Variants in BHLHE41 observed in about 807,000 individuals in gnomAD.
BHLHE41 encodes class E basic helix-loop-helix protein 41.
BHLHE41 carries 14 observed loss-of-function variants against 24.0 expected under a neutral mutation model. The ratio of observed to expected loss-of-function variants is 0.58; its 90% CI spans 0.39 to 0.91. The LOEUF is 0.91. Among genes scored for constraint, BHLHE41 ranks in the 40% least tolerant of loss-of-function variants. BHLHE41 has a pLI of 0.00. For missense variants in BHLHE41, 674 were observed against 655.4 expected (o/e 1.03, Z -0.31); for synonymous variants, 394 against 315.5 (o/e 1.25, Z -2.64).
At position 26,122,456 on chromosome 12, in the gene BHLHE41, G is replaced by C; in HGVS notation, c.1059C>G (p.Phe353Leu). Residue 353 changes from phenylalanine (F) to leucine (L), a missense_variant, in exon 5 of 5, where the codon TTC (phenylalanine) becomes TTG (leucine). By Grantham distance (22) the Phe-to-Leu change is conservative. Coordinates refer to ENST00000242728, the MANE Select transcript of BHLHE41 (RefSeq NM_030762.3). ...AGGCGGCAGCTGCAGAAGGCGAGAG[G>C]AAGCAGAAGGGCAGGCAGAAGGGGG... ...AAAPFCLPFC[F>L]LSPSAAAAYV... The C allele has an allele frequency of 7.4e-7, 1 of 1,357,232 alleles. No homozygotes were observed. Among genetic ancestry groups the C allele is most frequent in the Non-Finnish European group, 9.6e-7 (1 of 1,045,098 alleles). The allele number at this position is 1,357,232 out of a possible 1,614,324, so 84.1% of individuals were successfully genotyped here.
Position 26,122,382 on chromosome 12 carries a change from G to C in BHLHE41, c.1133C>G (p.Pro378Arg), listed in dbSNP as rs1243702473. Reference sequence around the variant, plus strand: ...CGGGAACGGGGCGGCAGCCGCCGCCGGGTACAGATACTTCTCCAGGCCGCT... The same window carrying C: ...CGGGAACGGGGCGGCAGCCGCCGCCCGGTACAGATACTTCTCCAGGCCGCT... ...DKSGLEKYLY[P>R]AAAAAPFPLL... is the part of the protein sequence containing the mutation. The change falls in exon 5 of 5, where the codon CCG becomes CGG. Residue 378 changes from proline (P) to arginine (R), a missense_variant. Physicochemically the swap from Pro to Arg is moderately radical, Grantham distance 103 (BLOSUM62 -2). Coordinates refer to ENST00000242728, the MANE Select transcript of BHLHE41 (RefSeq NM_030762.3). The C allele has an allele frequency of 8.2e-7, 1 of 1,212,252 alleles. No homozygotes were observed. 75.1% of individuals were successfully genotyped at this position (1,212,252 alleles called of 1,614,324 possible). A position where few individuals can be genotyped will look rare whatever the true frequency, so the allele number is the denominator to read the frequency against.
intron 1 of BHLHE41, 55 bp downstream of exon 1, chr12:26,124,663 G>GA (rs1427128560): frequency 9.9e-6 from 16 of 1,612,994 alleles, no homozygotes; most frequent in East Asian, 2.2e-5. Context: ...TTCTGGAGAA[G>GA]AAAAAAATCA....
At position 26,122,387 on chromosome 12, in the gene BHLHE41, C is replaced by A; in HGVS notation, c.1128G>T (p.Leu376=). The change falls in exon 5 of 5, where the codon CTG becomes CTT. Residue 376 remains leucine (L), a synonymous_variant. Transcript: ENST00000242728. Reference sequence around the variant, plus strand: ...ACGGGGCGGCAGCCGCCGCCGGGTACAGATACTTCTCCAGGCCGCTCTTGT... The same window carrying A: ...ACGGGGCGGCAGCCGCCGCCGGGTAAAGATACTTCTCCAGGCCGCTCTTGT... ...FLDKSGLEKY[L]YPAAAAAPFP... 8.0e-7 allele frequency: 1 copy of A among 1,247,842 alleles called. No homozygotes were observed. The highest frequency in any genetic ancestry group is 1.0e-6 in the Non-Finnish European group (1 of 989,450). 77.3% of individuals were successfully genotyped at this position (1,247,842 alleles called of 1,614,324 possible).
chr12:26,124,750 C>G lies in BHLHE41; in HGVS notation c.30G>C (p.Glu10Asp), dbSNP rs1434744608. MDEGIPHLQ[E>D]RQLLEHRDFI... ...AATCTCTATGTTCCAGTAACTGTCTCTCTTGCAAATGAGGAATTCCTTCGT... is the reference window on the plus strand; with the variant it reads ...AATCTCTATGTTCCAGTAACTGTCTGTCTTGCAAATGAGGAATTCCTTCGT... The change falls in exon 1 of 5, where the codon GAG (glutamate) becomes GAC (aspartate). Residue 10 changes from glutamate to aspartate, a missense_variant. Physicochemically the swap from Glu to Asp is conservative, Grantham distance 45. Transcript: ENST00000242728. The G allele has an allele frequency of 3.1e-6, 5 of 1,614,244 alleles. No homozygotes were observed. The highest frequency in any genetic ancestry group is 1.6e-4 in the Middle Eastern group (1 of 6,062).
rs903499791 is a variant in BHLHE41, at chr12:26,122,177, G to C, written c.1338C>G (p.Pro446=). The C allele has an allele frequency of 2.0e-6, 3 of 1,499,108 alleles. No individual in the cohort carries two copies. The African/African-American group carries it at 4.3e-5, about 22-fold the overall frequency. 92.9% of individuals were successfully genotyped at this position (1,499,108 alleles called of 1,614,324 possible). A position where few individuals can be genotyped will look rare whatever the true frequency, so the allele number is the denominator to read the frequency against. ...GGTGGGTGCGGCCGTGCGGGTGCTGGGGGTGCGGCGCCCCAAGGGGCGCCA... is the reference window on the plus strand; with the variant it reads ...GGTGGGTGCGGCCGTGCGGGTGCTGCGGGTGCGGCGCCCCAAGGGGCGCCA... ...HEVAPLGAPH[P]QHPHGRTHLP... Residue 446 remains proline, a synonymous_variant, in exon 5 of 5, where the codon CCC becomes CCG. Coordinates refer to ENST00000242728, the MANE Select transcript of BHLHE41 (RefSeq NM_030762.3).
Position 26,121,841 on chromosome 12 carries a change from T to G in BHLHE41, c.*225A>C. On this transcript the variant is annotated 3_prime_UTR_variant, in exon 5 of 5. Coordinates refer to ENST00000242728, the MANE Select transcript of BHLHE41 (RefSeq NM_030762.3). ...ACAGCTGGTGGGGGGAAGAAAGGGATGTTAGTGTGTGGAGGGTGGGGTGGT... is the reference window on the plus strand; with the variant it reads ...ACAGCTGGTGGGGGGAAGAAAGGGAGGTTAGTGTGTGGAGGGTGGGGTGGT... 9 of 996,298 alleles carry G rather than the reference T, an allele frequency of 9.0e-6. No homozygotes were observed. The highest frequency in any genetic ancestry group is 1.1e-5 in the Non-Finnish European group (8 of 714,742). 61.7% of individuals were successfully genotyped at this position (996,298 alleles called of 1,614,324 possible). A position where few individuals can be genotyped will look rare whatever the true frequency, so the allele number is the denominator to read the frequency against.
intron 2 of BHLHE41, 31 bp downstream of exon 2, chr12:26,124,488 G>T: frequency 5.0e-6 from 8 of 1,603,864 alleles, no homozygotes; most frequent in African/African-American, 1.3e-5. Context: ...ACCCATGCAG[G>T]TTATGAGGAA....
In BHLHE41 at chr12:26,122,703, C is replaced by T. The variant is rs1408173870; in HGVS notation, c.812G>A (p.Gly271Glu). 3 of 1,579,514 alleles carry T rather than the reference C, an allele frequency of 1.9e-6. No homozygotes were observed. The highest frequency in any genetic ancestry group is 2.6e-6 in the Non-Finnish European group (3 of 1,167,878). The change falls in exon 5 of 5, where the codon GGG becomes GAG. Residue 271 changes from glycine (G) to glutamate (E), a missense_variant. Transcript: ENST00000242728. ...CCTCTTGGGCGCCGGCGAGTCCTCC[C>T]CGGGAGGCTCCTGCTTGATGGTGAC... is the stretch of plus-strand genomic sequence containing the variant. ...SRVTIKQEPP[G>E]EDSPAPKRMK...
Position 26,120,923 on chromosome 12 carries a change from T to C in BHLHE41, c.*1143A>G, listed in dbSNP as rs1177008207. On this transcript the variant is annotated 3_prime_UTR_variant, in exon 5 of 5. Coordinates refer to ENST00000242728, the MANE Select transcript of BHLHE41 (RefSeq NM_030762.3). ...TCCAGAAAATACATAGACTTGGAGA[T>C]AGGAAGGCCTCACAGGACTTCATTC... 6.5e-6 allele frequency: 1 copy of C among 152,686 alleles called. No individual in the cohort carries two copies. Among genetic ancestry groups the C allele is most frequent in the African/African-American group, 2.4e-5 (1 of 41,476 alleles). The allele number at this position is 152,686 out of a possible 1,614,324, so 9.5% of individuals were successfully genotyped here.
rs76306214 is a variant in BHLHE41, at chr12:26,121,477, T to C, written c.*589A>G. On this transcript the variant is annotated 3_prime_UTR_variant, in exon 5 of 5. Transcript: ENST00000242728. ...TCACTTCTTTGAAAAATATATGCCT[T>C]TTAGAAAGCTGAACATTAGAAAATA... 0.036 allele frequency: 5,454 copies of C among 152,960 alleles called. 138 individuals are homozygous for C. Among genetic ancestry groups the C allele is most frequent in the South Asian group, 0.098 (475 of 4,840 alleles). The allele number at this position is 152,960 out of a possible 1,614,324, so 9.5% of individuals were successfully genotyped here. A position where few individuals can be genotyped will look rare whatever the true frequency, so the allele number is the denominator to read the frequency against.
rs1944304063 is a variant in BHLHE41, at chr12:26,121,460, T to C, written c.*606A>G. 1 of 152,838 alleles carries C rather than the reference T, an allele frequency of 6.5e-6. No homozygotes were observed. The highest frequency in any genetic ancestry group is 1.9e-4 in the East Asian group (1 of 5,208). The allele number at this position is 152,838 out of a possible 1,614,324, so 9.5% of individuals were successfully genotyped here. ...CGTGAGAAACTGCATCCTCACTTCT[T>C]TGAAAAATATATGCCTTTTAGAAAG... On this transcript the variant is annotated 3_prime_UTR_variant, in exon 5 of 5. Transcript: ENST00000242728.
chr12:26,122,527 C>T lies in BHLHE41; in HGVS notation c.988G>A (p.Gly330Ser). The T allele has an allele frequency of 7.8e-7, 1 of 1,276,996 alleles. No individual in the cohort carries two copies. The highest frequency in any genetic ancestry group is 1.6e-5 in the African/African-American group (1 of 63,560). The allele number at this position is 1,276,996 out of a possible 1,614,324, so 79.1% of individuals were successfully genotyped here. A position where few individuals can be genotyped will look rare whatever the true frequency, so the allele number is the denominator to read the frequency against. The change falls in exon 5 of 5, where the codon GGC (glycine) becomes AGC (serine). Residue 330 changes from glycine to serine, a missense_variant. Gly to Ser is a moderately conservative substitution (Grantham distance 56). Coordinates refer to ENST00000242728, the MANE Select transcript of BHLHE41 (RefSeq NM_030762.3). ...AALLSSLVAF[G>S]GGGGAPFPQP... Reference sequence around the variant, plus strand: ...GGGAAGGGCGCGCCTCCGCCTCCGCCGAACGCCACCAGCGAGCTGAGCAGG... The same window carrying T: ...GGGAAGGGCGCGCCTCCGCCTCCGCTGAACGCCACCAGCGAGCTGAGCAGG...
Position 26,121,945 on chromosome 12 carries a change from T to C in BHLHE41, c.*121A>G. The C allele has an allele frequency of 6.5e-7, 1 of 1,536,378 alleles. No homozygotes were observed. The highest frequency in any genetic ancestry group is 1.2e-5 in the South Asian group (1 of 82,922). Reference sequence around the variant, plus strand: ...TTCTTGTTTATGCCTGTCGTGCATCTATTACACTTCCTCCCTTAAAGACCT... The same window carrying C: ...TTCTTGTTTATGCCTGTCGTGCATCCATTACACTTCCTCCCTTAAAGACCT... On this transcript the variant is annotated 3_prime_UTR_variant, in exon 5 of 5. Coordinates refer to ENST00000242728, the MANE Select transcript of BHLHE41 (RefSeq NM_030762.3).
At position 26,122,714 on chromosome 12, in the gene BHLHE41, C is replaced by T. The variant is rs539462331; in HGVS notation, c.801G>A (p.Gln267=). 4.4e-6 allele frequency: 7 copies of T among 1,586,574 alleles called. No individual in the cohort carries two copies. Among genetic ancestry groups the T allele is most frequent in the Non-Finnish European group, 6.0e-6 (7 of 1,171,276 alleles). The stretch of plus-strand genomic sequence containing the variant: ...CCGGCGAGTCCTCCCCGGGAGGCTC[C>T]TGCTTGATGGTGACGCGGCTCGCCC... ...GAGASRVTIK[Q]EPPGEDSPAP... The change falls in exon 5 of 5, where the codon CAG becomes CAA. Residue 267 remains glutamine, a synonymous_variant. Transcript: ENST00000242728.
In BHLHE41 at chr12:26,120,061, A is replaced by C. The variant is rs1226546392; in HGVS notation, c.*2005T>G. 6.6e-6 allele frequency: 1 copy of C among 152,214 alleles called. No individual in the cohort carries two copies. The highest frequency in any genetic ancestry group is 1.5e-5 in the Non-Finnish European group (1 of 68,034). 9.4% of individuals were successfully genotyped at this position (152,214 alleles called of 1,614,324 possible). A position where few individuals can be genotyped will look rare whatever the true frequency, so the allele number is the denominator to read the frequency against. Reference sequence around the variant, plus strand: ...GGTTTTTCTTTTGCACTTTTCATTAAGATACATTGGGAACGAGCAGGTAGA... The same window carrying C: ...GGTTTTTCTTTTGCACTTTTCATTACGATACATTGGGAACGAGCAGGTAGA... On this transcript the variant is annotated 3_prime_UTR_variant, in exon 5 of 5. Transcript: ENST00000242728.
At chr12:26,123,294 G>T (rs921676080) in intron 4 of BHLHE41, 126 bp from the exon 5 acceptor site, 2 of 1,277,608 alleles carry the variant, frequency 1.6e-6, no homozygotes, top group Non-Finnish European at 2.1e-6. Context: ...TTTTTCCCCA[G>T]TATTCAAGTG....
intron 3 of BHLHE41, 149 bp downstream of exon 3, chr12:26,123,923 T>C: frequency 2.7e-6 from 2 of 741,638 alleles, no homozygotes; most frequent in Non-Finnish European, 4.7e-6. Flanking sequence ...TGGGAGCACC[T>C]ACTCCAGTTT....
chr12:26,123,161 T>C lies in BHLHE41; in HGVS notation c.354A>G (p.Arg118=). 6.3e-7 allele frequency: 1 copy of C among 1,592,174 alleles called. No individual in the cohort carries two copies. The highest frequency in any genetic ancestry group is 2.2e-5 in the East Asian group (1 of 44,482). Residue 118 remains arginine, a synonymous_variant, in exon 5 of 5, where the codon CGA becomes CGG. Transcript: ENST00000242728. The part of the protein sequence containing the change: ...QKIIALQNGE[R]SLKSPIQSDL... ...CGGACTGAATGGGCGATTTCAGAGA[T>C]CGCTCCCCTAGGATGAGGAAGGGAT...
chr12:26,123,477 C>T (rs957938176), intron 4 of BHLHE41, among the ~76,000 whole-genome samples, 153 bp downstream of exon 4: 1 of 152,082 alleles, frequency 6.6e-6, no homozygotes, highest in African/African-American at 2.4e-5. Flanking sequence ...TGGGCTCGTT[C>T]CAATGAAGGG....
Sources: gnomAD v4.1 joint callset for allele counts (sites outside exome capture counted in the v4.1 genomes callset) on GRCh38, gnomAD v4.1.1 for gene constraint, MANE v1.5 for transcripts, NCBI Gene and HGNC (gene_info 2026-07-23, HGNC 2026-07-21) for gene names.